The following ARSH variants were observed in gnomAD, a reference collection of about 807,000 sequenced individuals.
ARSH encodes the protein arylsulfatase family member H.
Under a neutral mutation model 28.7 loss-of-function variants are expected in ARSH, and 32 were observed. The observed-to-expected ratio is 1.11, with a 90% CI of 0.84 to 1.50. The LOEUF (loss-of-function observed/expected upper bound fraction) is 1.50, where lower values mean the gene tolerates loss of function less well. Ranked by LOEUF, ARSH falls within the 40% of genes most tolerant of loss-of-function variation. The pLI is 0.00. For missense variants in ARSH, 440 were observed against 452.4 expected (o/e 0.97, Z 0.25); for synonymous variants, 176 against 177.3 (o/e 0.99, Z 0.06).
intron 8 of ARSH, 60 bp downstream of exon 8, chrX:3,029,428 C>T (rs1041781041): frequency 6.0e-6 from 7 of 1,160,115 alleles, no homozygotes; most frequent in South Asian, 2.1e-5. Context: ...CGGTCTCCTT[C>T]GTCTCCTGGC....
At position 3,015,141 on chromosome X, in the gene ARSH, C is replaced by T. The variant is rs757364799; in HGVS notation, c.512C>T (p.Thr171Met). 1.2e-5 allele frequency: 15 copies of T among 1,206,438 alleles called. No individual in the cohort carries two copies. The highest frequency in any genetic ancestry group is 2.3e-4 in the Middle Eastern group (1 of 4,368). Residue 171 changes from threonine (T) to methionine (M), a missense_variant, in exon 4 of 9, where the codon ACG becomes ATG. By Grantham distance (81) the Thr-to-Met change is moderately conservative. Transcript: ENST00000381130. Reference protein sequence around the residue: ...RWLRIKLWISTVALALVPFLL... With the variant: ...RWLRIKLWISMVALALVPFLL... The stretch of plus-strand genomic sequence containing the variant: ...CTCAGGATCAAACTGTGGATCTCCA[C>T]GGTAGCCCTTGCCCTGGTTCCTTTT...
chrX:3,021,155 A>AT (rs774907672), intron 5 of ARSH, among the ~76,000 whole-genome samples: 405 of 104,822 alleles, frequency 3.9e-3, no homozygotes, highest in African/African-American at 0.012. Flanking sequence ...TATAATTGGG[A>AT]TTTTTTTTTT....
intron 3 of ARSH, among the ~76,000 whole-genome samples, chrX:3,013,665 T>C (rs376684359): frequency 2.7e-5 from 3 of 110,760 alleles, no homozygotes; most frequent in African/African-American, 9.9e-5. Flanking sequence ...ATTCCAGTCC[T>C]AGAAGATAGT....
At chrX:3,016,324 A>T (rs759298053) in intron 4 of ARSH, among the ~76,000 whole-genome samples, 113 of 111,319 alleles carry the variant, frequency 1.0e-3, no homozygotes, top group South Asian at 2.3e-3. Context: ...TAAAAATGAA[A>T]ACTAGAGTTG....
intron 5 of ARSH, among the ~76,000 whole-genome samples, chrX:3,021,665 C>T (rs1368412093): frequency 1.8e-5 from 2 of 108,588 alleles, no homozygotes; most frequent in Non-Finnish European, 3.8e-5. Flanking sequence ...TTTAAACTTT[C>T]CAATGAAAGA....
intron 5 of ARSH, among the ~76,000 whole-genome samples, chrX:3,023,772 A>T (rs1297381908): frequency 2.1e-5 from 2 of 93,275 alleles, no homozygotes; most frequent in Non-Finnish European, 4.6e-5. Context: ...AATATAGCAT[A>T]TATTATACAT....
chrX:3,013,786 G>A (rs2089858193), intron 3 of ARSH, among the ~76,000 whole-genome samples: 2 of 110,832 alleles, frequency 1.8e-5, no homozygotes, highest in African/African-American at 6.6e-5. Context: ...CCACAGCTCC[G>A]AGATATCCCC....
chrX:3,027,044 G>A (rs991545550), intron 6 of ARSH, among the ~76,000 whole-genome samples: 2 of 109,792 alleles, frequency 1.8e-5, no homozygotes, highest in African/African-American at 6.6e-5. Context: ...CACAACCTTC[G>A]CCTCCTGGGT....
chrX:3,032,535 T>G, intron 8 of ARSH, among the ~76,000 whole-genome samples: 2 of 82,952 alleles, frequency 2.4e-5, no homozygotes, highest in African/African-American at 4.8e-5. Flanking sequence ...AAAACAGAAA[T>G]GGAGGAAAAA....
At chrX:3,030,610 C>T (rs1420255084) in intron 8 of ARSH, among the ~76,000 whole-genome samples, 2 of 111,292 alleles carry the variant, frequency 1.8e-5, no homozygotes, top group Non-Finnish European at 3.8e-5. Context: ...GAGAGCCAAG[C>T]GAAAAGGGAA....
rs56050922 is a variant in ARSH at position 3,031,170 on chromosome X, A to G, written c.1321+1802A>G. Among the ~76,000 whole-genome samples, 618 of 110,787 alleles carry G rather than the reference A, an allele frequency of 5.6e-3. 4 individuals are homozygous for G. Among genetic ancestry groups the G allele is most frequent in the African/African-American group, 0.02 (605 of 30,523 alleles). ...AAGTCAAAACATTATAGGATACAGA[A>G]AATTAAGACAACATGATTAATGTGT... On this transcript the variant is annotated intron_variant, in intron 8 of 8. Transcript: ENST00000381130.
rs921174058 is a variant in ARSH at position 3,033,553 on chromosome X, C to A, written c.*168C>A. 2.0e-6 allele frequency: 1 copy of A among 497,590 alleles called. No individual in the cohort carries two copies. The highest frequency in any genetic ancestry group is 2.4e-5 in the African/African-American group (1 of 42,397). 41.0% of individuals were successfully genotyped at this position (497,590 alleles called of 1,213,427 possible). A position where few individuals can be genotyped will look rare whatever the true frequency, so the allele number is the denominator to read the frequency against. On this transcript the variant is annotated 3_prime_UTR_variant, in exon 9 of 9. Transcript: ENST00000381130. ...AAGAGCTCGGTGAAATTAAAGTGGG[C>A]CCATATAACAGTGAACCTGGAGGGG...
chrX:3,013,169 A>G lies in ARSH; in HGVS notation c.337A>G (p.Ile113Val), dbSNP rs2089855806. 8.3e-7 allele frequency: 1 copy of G among 1,205,292 alleles called. No homozygotes were observed. Among genetic ancestry groups the G allele is most frequent in the Non-Finnish European group, 1.1e-6 (1 of 892,648 alleles). Reference protein sequence around the residue: ...LQHRGYRTGLIGKWHLGLSCA... With the variant: ...LQHRGYRTGLVGKWHLGLSCA... ...GCACCGTGGCTACCGCACGGGACTC[A>G]TAGGTATGGCGCCGGAACTCTGCCC... Residue 113 changes from isoleucine to valine, a missense_variant, in exon 3 of 9, where the codon ATA (isoleucine) becomes GTA (valine). Ile to Val is a conservative substitution (Grantham distance 29). Transcript: ENST00000381130.
chrX:3,008,509 C>G (rs1435808769), intron 1 of ARSH, among the ~76,000 whole-genome samples: 3 of 72,547 alleles, frequency 4.1e-5, no homozygotes, highest in African/African-American at 1.6e-4. Context: ...TTCTTTCTTT[C>G]TTTCTTCCCT....
At position 3,033,748 on chromosome X, in the gene ARSH, C is replaced by T. The variant is rs1460091566; in HGVS notation, c.*363C>T. ...AACTTCTGCTTGCAGATTCTATACC[C>T]AGGCATGCTAGCTTTCTAATAAATC... On this transcript the variant is annotated 3_prime_UTR_variant, in exon 9 of 9. Coordinates refer to ENST00000381130, the MANE Select transcript of ARSH (RefSeq NM_001011719.2). Among the ~76,000 whole-genome samples the T allele has an allele frequency of 9.0e-6, 1 of 111,377 alleles. No individual in the cohort carries two copies. The highest frequency in any genetic ancestry group is 3.3e-5 in the African/African-American group (1 of 30,690).
chrX:3,022,555 T>A (rs2089887205), intron 5 of ARSH, among the ~76,000 whole-genome samples: 1 of 111,871 alleles, frequency 8.9e-6, no homozygotes, highest in Non-Finnish European at 1.9e-5. Flanking sequence ...CAGTGTGACC[T>A]CAGGCCCAGG....
At position 3,009,519 on chromosome X, in the gene ARSH, G is replaced by A. The variant is rs987384140; in HGVS notation, c.93-511G>A. ...AAATTTAAATAAATTAGTAGGGCAT[G>A]GTAGCGCACACCTGTGGACCTAGCT... On this transcript the variant is annotated intron_variant, in intron 1 of 8. Transcript: ENST00000381130. 3.6e-5 allele frequency among the ~76,000 whole-genome samples: 4 copies of A among 110,430 alleles called. No homozygotes were observed. In the South Asian group the frequency reaches 1.6e-3, roughly 44 times the overall value.
At chrX:3,010,229 A>G in intron 2 of ARSH, 78 bp downstream of exon 2, 1 of 1,100,946 alleles carries the variant, frequency 9.1e-7, no homozygotes, top group African/African-American at 1.8e-5. Flanking sequence ...AATCTTTATA[A>G]GAATTCTCAA....
At chrX:3,028,298 C>T (rs1004656176) in intron 7 of ARSH, among the ~76,000 whole-genome samples, 4 of 107,832 alleles carry the variant, frequency 3.7e-5, no homozygotes, top group Non-Finnish European at 7.7e-5. Context: ...GCAATCTCTG[C>T]GTCCCGGGTT....
Sources: gnomAD v4.1 joint callset for allele counts (sites outside exome capture counted in the v4.1 genomes callset) on GRCh38, gnomAD v4.1.1 for gene constraint, MANE v1.5 for transcripts, NCBI Gene and HGNC (gene_info 2026-07-23, HGNC 2026-07-21) for gene names.